Variants in SLC2A9 observed in about 807,000 individuals in gnomAD.
The protein encoded by SLC2A9 is solute carrier family 2, facilitated glucose transporter member 9.
A neutral mutation model predicts 50.6 loss-of-function variants in SLC2A9; 39 were observed. That is an observed-to-expected ratio of 0.77 (90% CI 0.60 to 1.01). The LOEUF (loss-of-function observed/expected upper bound fraction) is 1.01, where lower values mean the gene tolerates loss of function less well. SLC2A9 is among the 50% of genes least tolerant of loss of function. SLC2A9 has a pLI of 0.00. For synonymous variants in SLC2A9, 324 were observed against 276.9 expected, an observed-to-expected ratio of 1.17 and a Z score of -1.69; for missense variants, 686 against 677.6, an observed-to-expected ratio of 1.01 and a Z score of -0.14.
chr4:9,785,433 C>T lies in SLC2A9; in HGVS notation n.386-5368G>A, dbSNP rs1342850253. 1.4e-4 allele frequency among the ~76,000 whole-genome samples: 21 copies of T among 152,188 alleles called. 1 individual carries two copies. Among genetic ancestry groups the T allele is most frequent in the Admixed American group, 1.4e-3 (21 of 15,268 alleles). ...TCCCAATGCTGTTCACCTCGTGAAC[C>T]TTGTTTGGTGGAATTCCTGTTACTG... On this transcript the variant is annotated intron_variant and non_coding_transcript_variant, in intron 3 of 3. Coordinates refer to the SLC2A9 transcript ENST00000503803.
At chr4:9,909,654 T>G (rs534785779) in intron 7 of SLC2A9, among the ~76,000 whole-genome samples, 2 of 152,206 alleles carry the variant, frequency 1.3e-5, no homozygotes, top group Non-Finnish European at 2.9e-5. Flanking sequence ...TGGGTGAGAA[T>G]TGTCACTCTT....
intron 5 of SLC2A9, among the ~76,000 whole-genome samples, chr4:9,949,178 GT>G (rs1237777304): frequency 6.6e-6 from 1 of 152,188 alleles, no homozygotes; most frequent in Non-Finnish European, 1.5e-5. Flanking sequence ...TTATGGGTGT[GT>G]TTCCCTATAG....
At chr4:9,854,692 A>C (rs1219130435) in intron 10 of SLC2A9, among the ~76,000 whole-genome samples, 1 of 152,232 alleles carries the variant, frequency 6.6e-6, no homozygotes, top group African/African-American at 2.4e-5. Context: ...TCCTTGATGA[A>C]TATAGATGCA....
At chr4:9,792,156 T>C (rs1720000631) in intron 3 of SLC2A9, among the ~76,000 whole-genome samples, 1 of 144,910 alleles carries the variant, frequency 6.9e-6, no homozygotes, top group Non-Finnish European at 1.5e-5. Context: ...TTTTCTATTC[T>C]ATGTTTCTTT....
downstream of SLC2A9, among the ~76,000 whole-genome samples, chr4:9,775,094 C>T (rs1374422337): frequency 1.3e-5 from 2 of 152,202 alleles, no homozygotes; most frequent in East Asian, 3.9e-4. Context: ...TTCCCTGTAG[C>T]TAAGGTGACA....
chr4:10,033,580 A>G (rs1054966577), intron 1 of SLC2A9, among the ~76,000 whole-genome samples: 1 of 152,168 alleles, frequency 6.6e-6, no homozygotes, highest in Non-Finnish European at 1.5e-5. Flanking sequence ...TAAAATATGT[A>G]TGTGGGACAA....
chr4:9,779,107 C>A (rs1257167365), downstream of SLC2A9, among the ~76,000 whole-genome samples: 1 of 152,130 alleles, frequency 6.6e-6, no homozygotes, highest in African/African-American at 2.4e-5. Context: ...TAACTCACTT[C>A]CCAGATGAGA....
intron 3 of SLC2A9, chr4:9,782,566 C>T (rs761248882): frequency 1.3e-5 from 21 of 1,613,850 alleles, no homozygotes; most frequent in East Asian, 6.7e-5. Flanking sequence ...TCCAGCTCAA[C>T]TGGCACAGGG....
intron 1 of SLC2A9, among the ~76,000 whole-genome samples, chr4:10,039,515 C>A (rs1223360548): frequency 6.6e-6 from 1 of 152,206 alleles, no homozygotes; most frequent in Non-Finnish European, 1.5e-5. Flanking sequence ...TAACATCAAA[C>A]ACCTCCCTCC....
intron 6 of SLC2A9, among the ~76,000 whole-genome samples, chr4:9,929,881 G>T (rs1745596926): frequency 6.6e-6 from 1 of 152,164 alleles, no homozygotes; most frequent in African/African-American, 2.4e-5. Flanking sequence ...CGCAGAGTCA[G>T]CTCCCTGGTG....
intron 1 of SLC2A9, among the ~76,000 whole-genome samples, chr4:10,027,887 G>A (rs985481724): frequency 7.9e-5 from 12 of 152,084 alleles, no homozygotes; most frequent in Non-Finnish European, 1.5e-4. Flanking sequence ...TGAAATGTGC[G>A]GTTGATTAAT....
At chr4:9,791,422 T>C (rs976671071) in intron 3 of SLC2A9, among the ~76,000 whole-genome samples, 2 of 152,208 alleles carry the variant, frequency 1.3e-5, no homozygotes, top group African/African-American at 4.8e-5. Context: ...AGGAGCTGCA[T>C]GTGACTAGTC....
At chr4:9,885,796 G>A (rs1392265623) in intron 10 of SLC2A9, among the ~76,000 whole-genome samples, 2 of 152,184 alleles carry the variant, frequency 1.3e-5, no homozygotes, top group African/African-American at 4.8e-5. Context: ...TGTAAATAAA[G>A]TTTTACTGGG....
At chr4:10,021,923 T>C (rs1763540230), upstream of SLC2A9, among the ~76,000 whole-genome samples, 1 of 150,660 alleles carries the variant, frequency 6.6e-6, no homozygotes, top group Non-Finnish European at 1.5e-5. Context: ...CACTGCAACC[T>C]CCGCACCTGG....
intron 3 of SLC2A9, among the ~76,000 whole-genome samples, chr4:9,989,309 T>C (rs897127716): frequency 6.6e-6 from 1 of 152,238 alleles, no homozygotes; most frequent in African/African-American, 2.4e-5. Context: ...CTGAAATTCA[T>C]GACCACCAAC....
chr4:9,898,941 C>T (rs200744352), intron 8 of SLC2A9, among the ~76,000 whole-genome samples: 168 of 140,538 alleles, frequency 1.2e-3, no homozygotes, highest in African/African-American at 4.0e-3. Context: ...ATGACAACTA[C>T]TATGGCCATT....
At position 9,826,480 on chromosome 4, in the gene SLC2A9, ATGCC is replaced by A; in HGVS notation, c.1536_1539del (p.Gln512HisfsTer24). 1.2e-6 allele frequency: 2 copies of A among 1,614,042 alleles called. No homozygotes were observed. The highest frequency in any genetic ancestry group is 1.7e-6 in the Non-Finnish European group (2 of 1,179,972). On this transcript the variant is annotated frameshift_variant, in exon 12 of 12. Transcript: ENST00000264784. LOFTEE classifies it low-confidence loss of function (END_TRUNC). ...GGGTATGCTTTGTTCCTTTTGGAAAATGCCTGGCTGATTTCTGCATAGGTTCTGT... is the reference window on the plus strand; with the variant it reads ...GGGTATGCTTTGTTCCTTTTGGAAAATGGCTGATTTCTGCATAGGTTCTGT...
intron 10 of SLC2A9, among the ~76,000 whole-genome samples, chr4:9,836,132 G>GAC (rs1265973575): frequency 3.2e-5 from 4 of 123,986 alleles, no homozygotes; most frequent in African/African-American, 1.2e-4. Context: ...TGATACAACA[G>GAC]ACTTTGGGAA....
chr4:9,970,756 G>A (rs947181901), intron 5 of SLC2A9, among the ~76,000 whole-genome samples: 24 of 151,954 alleles, frequency 1.6e-4, no homozygotes, highest in South Asian at 2.1e-4. Context: ...CCTGTTTTAA[G>A]AAAAAAACAA....
Sources: allele counts gnomAD v4.1 joint callset (sites outside exome capture counted in the v4.1 genomes callset), GRCh38; gene constraint gnomAD v4.1.1; transcripts MANE v1.5; gene names NCBI Gene and HGNC (gene_info 2026-07-23, HGNC 2026-07-21).